Variants in MS4A13 observed in about 807,000 individuals in gnomAD.
The protein encoded by MS4A13 is membrane spanning 4-domains A13, also known as membrane-spanning 4-domains subfamily A member 13.
MS4A13 carries 21 observed loss-of-function variants against 18.4 expected under a neutral mutation model. The observed-to-expected ratio is 1.14, with a 90% confidence interval of 0.81 to 1.64. MS4A13 has a LOEUF of 1.64. Among genes scored for constraint, MS4A13 ranks in the 40% most tolerant of loss-of-function variants. The probability of loss-of-function intolerance (pLI) is 0.00; values close to 1 mark genes in which losing one functional copy is unlikely to be tolerated. For synonymous variants in MS4A13, 62 were observed against 57.2 expected, an observed-to-expected ratio of 1.08 and a Z score of -0.38; for missense variants, 173 against 176.8, an observed-to-expected ratio of 0.98 and a Z score of 0.12.
rs537628222 is a variant in MS4A13, at chr11:60,520,507, A to G, written c.129+2295A>G. On this transcript the variant is annotated intron_variant, in intron 3 of 6. Transcript: ENST00000378186. ...TGTTCCAAATGCGAGAAATTGGTTG[A>G]AACAAAGGCTACAGGCCCCATGCAA... 5.6e-4 allele frequency among the ~76,000 whole-genome samples: 86 copies of G among 152,332 alleles called. 1 individual carries two copies. The South Asian group carries it at 0.017, about 31-fold the overall frequency.
At position 60,542,574 on chromosome 11, in the gene MS4A13, A is replaced by G. The variant is rs2086869428; in HGVS notation, c.458A>G (p.Ter153=). The G allele has an allele frequency of 6.2e-7, 1 of 1,603,966 alleles. No homozygotes were observed. Among genetic ancestry groups the G allele is most frequent in the Non-Finnish European group, 8.5e-7 (1 of 1,173,274 alleles). Residue 153 remains the stop codon, a stop_retained_variant, in exon 7 of 7, where the codon TAA becomes TGA. Coordinates refer to ENST00000378186, the MANE Select transcript of MS4A13 (RefSeq NM_001012417.3). ...ACTGAGGAAGCTGAGAGCACTCCTT[A>G]AAAACCCTAGAAATATGAGAATTTT... The part of the protein sequence containing the change: ...SVTEEAESTP[*]
intron 2 of MS4A13, among the ~76,000 whole-genome samples, chr11:60,516,663 C>T (rs1007388818): frequency 6.6e-6 from 1 of 152,132 alleles, no homozygotes; most frequent in Non-Finnish European, 1.5e-5. Context: ...CACAATCCTT[C>T]GCATTTTTTT....
chr11:60,524,907 G>A (rs1342634751), intron 4 of MS4A13, among the ~76,000 whole-genome samples: 2 of 151,970 alleles, frequency 1.3e-5, no homozygotes, highest in African/African-American at 2.4e-5. Flanking sequence ...TGATCCACCC[G>A]TCTCGGCCTC....
chr11:60,538,787 C>T (rs1029790620), intron 6 of MS4A13, among the ~76,000 whole-genome samples: 4 of 139,032 alleles, frequency 2.9e-5, no homozygotes, highest in Non-Finnish European at 6.2e-5. Flanking sequence ...CTAATCTAAG[C>T]CCCTAAGCTC....
intron 5 of MS4A13, among the ~76,000 whole-genome samples, chr11:60,527,272 T>C (rs2086719598): frequency 1.3e-5 from 2 of 151,916 alleles, no homozygotes; most frequent in African/African-American, 4.8e-5. Context: ...ACAACCCAAG[T>C]TGACTTAAGG....
At chr11:60,519,185 A>C (rs1388510851) in intron 3 of MS4A13, among the ~76,000 whole-genome samples, 1 of 152,200 alleles carries the variant, frequency 6.6e-6, no homozygotes, top group Non-Finnish European at 1.5e-5. Flanking sequence ...CCCTGATAAC[A>C]TTTTATAATA....
In MS4A13 at chr11:60,516,426, T is replaced by C. The variant is rs564849271; in HGVS notation, c.-13+342T>C. On this transcript the variant is annotated intron_variant, in intron 2 of 6. Coordinates refer to ENST00000378186, the MANE Select transcript of MS4A13 (RefSeq NM_001012417.3). ...TAAACATGTGAAGTTACAGTTTAGCTTTCTTAATGAACACCAAGGAATTAT... is the reference window on the plus strand; with the variant it reads ...TAAACATGTGAAGTTACAGTTTAGCCTTCTTAATGAACACCAAGGAATTAT... Among the ~76,000 whole-genome samples, 15 of 152,368 alleles carry C rather than the reference T, an allele frequency of 9.8e-5. No homozygotes were observed. The South Asian group carries it at 3.1e-3, about 32-fold the overall frequency.
Position 60,518,115 on chromosome 11 carries a change from A to G in MS4A13, c.32A>G (p.Tyr11Cys). 1 of 1,606,900 alleles carries G rather than the reference A, an allele frequency of 6.2e-7. No individual in the cohort carries two copies. The highest frequency in any genetic ancestry group is 8.5e-7 in the Non-Finnish European group (1 of 1,174,456). ...GGCATCTTTCACATTTTCATGTGGT[A>G]CTTTCTATTGGTTTTGTATATGGGA... MIGIFHIFMW[Y>C]FLLVLYMGQI... Residue 11 changes from tyrosine (Y) to cysteine (C), a missense_variant, in exon 3 of 7, where the codon TAC becomes TGC. Coordinates refer to ENST00000378186, the MANE Select transcript of MS4A13 (RefSeq NM_001012417.3).
At chr11:60,530,301 T>G (rs2135261556) in intron 6 of MS4A13, among the ~76,000 whole-genome samples, 1 of 152,242 alleles carries the variant, frequency 6.6e-6, no homozygotes, top group East Asian at 1.9e-4. Context: ...AATTATAAAA[T>G]GTCAAGAACT....
At chr11:60,531,268 G>A (rs370336960) in intron 6 of MS4A13, among the ~76,000 whole-genome samples, 1 of 152,118 alleles carries the variant, frequency 6.6e-6, no homozygotes, top group South Asian at 2.1e-4. Flanking sequence ...GCCTGACTAA[G>A]ATCACAATAC....
intron 3 of MS4A13, among the ~76,000 whole-genome samples, chr11:60,520,755 A>C (rs966756681): frequency 1.9e-4 from 29 of 152,292 alleles, no homozygotes; most frequent in African/African-American, 7.0e-4. Flanking sequence ...CAGAGGATCT[A>C]CCATTCTGGG....
intron 2 of MS4A13, among the ~76,000 whole-genome samples, chr11:60,517,251 T>G (rs76850119): frequency 0.017 from 2,651 of 152,264 alleles, 61 homozygotes; most frequent in African/African-American, 0.054. Context: ...ATATATTTCA[T>G]AGACTGCCTG....
At chr11:60,522,264 AC>A (rs2086682363) in intron 3 of MS4A13, among the ~76,000 whole-genome samples, 1 of 95,362 alleles carries the variant, frequency 1.0e-5, no homozygotes, top group East Asian at 2.9e-4. Flanking sequence ...ATATATACAC[AC>A]ATATATATGT....
intron 3 of MS4A13, among the ~76,000 whole-genome samples, chr11:60,521,055 G>A (rs985303469): frequency 1.3e-5 from 2 of 152,238 alleles, no homozygotes; most frequent in African/African-American, 4.8e-5. Flanking sequence ...TGAGGCCATG[G>A]CCCAAGCTCT....
chr11:60,534,975 C>T (rs11512842), intron 6 of MS4A13, among the ~76,000 whole-genome samples: 5,411 of 16,636 alleles, frequency 0.33, 984 homozygotes, highest in Middle Eastern at 0.54. Flanking sequence ...TTGAAACCAA[C>T]GAGAACAAAG....
At chr11:60,529,140 C>T (rs1247725781) in intron 5 of MS4A13, among the ~76,000 whole-genome samples, 1 of 151,924 alleles carries the variant, frequency 6.6e-6, no homozygotes, top group African/African-American at 2.4e-5. Flanking sequence ...AATGCAGAAG[C>T]CACAGATGCT....
At chr11:60,531,575 G>C (rs926935797) in intron 6 of MS4A13, among the ~76,000 whole-genome samples, 10 of 152,192 alleles carry the variant, frequency 6.6e-5, no homozygotes, top group African/African-American at 1.2e-4. Context: ...CTGGCTCAAG[G>C]TGTCTAATAC....
intron 3 of MS4A13, among the ~76,000 whole-genome samples, chr11:60,519,072 TCAAGTATTTGTGTAGG>T: frequency 6.6e-6 from 1 of 152,314 alleles, no homozygotes; most frequent in South Asian, 2.1e-4. Context: ...GGTATTGGGA[TCAAGTATTTGTGTAGG>T]CAAGAGGTGA....
intron 6 of MS4A13, among the ~76,000 whole-genome samples, chr11:60,532,313 A>G (rs2086775342): frequency 6.6e-6 from 1 of 152,164 alleles, no homozygotes; most frequent in African/African-American, 2.4e-5. Flanking sequence ...CAGTGTGTGC[A>G]CGCACCGTGC....
Sources: gnomAD v4.1 joint callset for allele counts (sites outside exome capture counted in the v4.1 genomes callset) on GRCh38, gnomAD v4.1.1 for gene constraint, MANE v1.5 for transcripts, NCBI Gene and HGNC (gene_info 2026-07-23, HGNC 2026-07-21) for gene names.